The following SLC35F1 variants were observed in gnomAD, a reference collection of about 807,000 sequenced individuals.
SLC35F1 encodes the protein chromosome 6 open reading frame 169.
A neutral mutation model predicts 48.7 loss-of-function variants in SLC35F1; 14 were observed. That is an observed-to-expected ratio of 0.29 (90% CI 0.19 to 0.45). The LOEUF is 0.45. SLC35F1 is among the 20% of genes least tolerant of loss of function. The probability of loss-of-function intolerance (pLI) is 1.00; values close to 1 mark genes in which losing one functional copy is unlikely to be tolerated. For synonymous variants in SLC35F1, 190 were observed against 202.2 expected (o/e 0.94, Z 0.51); for missense variants, 404 against 500.0 (o/e 0.81, Z 1.83).
chr6:118,230,350 A>G (rs935515996), intron 2 of SLC35F1, among the ~76,000 whole-genome samples: 2 of 152,048 alleles, frequency 1.3e-5, no homozygotes, highest in African/African-American at 4.8e-5. Context: ...AAAAAAAAAA[A>G]AGAAGAAAAA....
chr6:118,201,468 G>T (rs1296107347), intron 2 of SLC35F1, among the ~76,000 whole-genome samples: 2 of 152,154 alleles, frequency 1.3e-5, no homozygotes, highest in Non-Finnish European at 2.9e-5. Flanking sequence ...TGTTCCTTAA[G>T]GTAGAAACTA....
At chr6:118,003,090 A>T (rs1334029564) in intron 1 of SLC35F1, among the ~76,000 whole-genome samples, 1 of 152,214 alleles carries the variant, frequency 6.6e-6, no homozygotes, top group Non-Finnish European at 1.5e-5. Context: ...AGAATAATGA[A>T]TGAACTGACA....
chr6:118,184,270 G>C (rs531913266), intron 2 of SLC35F1, among the ~76,000 whole-genome samples: 1 of 152,278 alleles, frequency 6.6e-6, no homozygotes, highest in Admixed American at 6.5e-5. Context: ...TCAAGAGCAA[G>C]ACTCTCAAAA....
intron 3 of SLC35F1, among the ~76,000 whole-genome samples, chr6:118,244,598 A>G (rs1775484124): frequency 6.6e-6 from 1 of 152,274 alleles, no homozygotes; most frequent in African/African-American, 2.4e-5. Context: ...CATGTTTGCA[A>G]GATTGGAAAA....
intron 1 of SLC35F1, among the ~76,000 whole-genome samples, chr6:118,055,086 T>G (rs2114261221): frequency 6.6e-6 from 1 of 152,336 alleles, no homozygotes; most frequent in East Asian, 1.9e-4. Context: ...CCCATTCTTT[T>G]CAGTCAGTTG....
intron 1 of SLC35F1, among the ~76,000 whole-genome samples, chr6:118,084,815 T>G (rs1772962885): frequency 2.0e-5 from 3 of 152,126 alleles, no homozygotes; most frequent in Middle Eastern, 3.4e-3. Context: ...CTGTCAGTAC[T>G]TGCTCTGAGA....
intron 2 of SLC35F1, among the ~76,000 whole-genome samples, chr6:118,214,561 A>G (rs1775047899): frequency 6.6e-6 from 1 of 152,204 alleles, no homozygotes; most frequent in South Asian, 2.1e-4. Context: ...AAAGTAAGGT[A>G]TACCAGTATA....
At chr6:118,026,041 T>G (rs1027200483) in intron 1 of SLC35F1, among the ~76,000 whole-genome samples, 3 of 152,182 alleles carry the variant, frequency 2.0e-5, no homozygotes, top group Non-Finnish European at 4.4e-5. Context: ...TCGAGGATGA[T>G]TCACACCGTC....
At chr6:118,089,787 C>T (rs9320640) in intron 1 of SLC35F1, among the ~76,000 whole-genome samples, 55,048 of 151,998 alleles carry the variant, frequency 0.36, 10,432 homozygotes, top group East Asian at 0.45. Flanking sequence ...GACAGGGCTT[C>T]ATGTTAATAG....
chr6:118,034,396 G>GA (rs977017391), intron 1 of SLC35F1, among the ~76,000 whole-genome samples: 2 of 151,654 alleles, frequency 1.3e-5, no homozygotes, highest in African/African-American at 2.4e-5. Flanking sequence ...CGTCTCTACT[G>GA]AAAATACAAA....
At chr6:118,188,306 T>A (rs1473242660) in intron 2 of SLC35F1, among the ~76,000 whole-genome samples, 1 of 152,104 alleles carries the variant, frequency 6.6e-6, no homozygotes, top group Admixed American at 6.5e-5. Flanking sequence ...TCCCAGCACT[T>A]TAGGAGGTGG....
chr6:118,113,758 C>G (rs1369854407), intron 1 of SLC35F1, among the ~76,000 whole-genome samples: 2 of 152,106 alleles, frequency 1.3e-5, no homozygotes, highest in Non-Finnish European at 2.9e-5. Context: ...CAAATATTAG[C>G]TATGTTTCTG....
intron 4 of SLC35F1, among the ~76,000 whole-genome samples, chr6:118,268,922 T>G (rs908828295): frequency 1.2e-4 from 18 of 152,098 alleles, no homozygotes; most frequent in African/African-American, 4.3e-4. Flanking sequence ...AAGTTGTAAT[T>G]TCATTACACT....
chr6:118,223,942 C>A (rs1254323078), intron 2 of SLC35F1, among the ~76,000 whole-genome samples: 1 of 152,196 alleles, frequency 6.6e-6, no homozygotes, highest in Non-Finnish European at 1.5e-5. Flanking sequence ...TGCTCCATGG[C>A]TCTTTGTTCA....
intron 1 of SLC35F1, among the ~76,000 whole-genome samples, chr6:118,134,879 C>A (rs929172315): frequency 6.6e-6 from 1 of 152,210 alleles, no homozygotes; most frequent in Non-Finnish European, 1.5e-5. Flanking sequence ...CCTCCCCTTC[C>A]TTCTACTCCC....
intron 1 of SLC35F1, among the ~76,000 whole-genome samples, chr6:117,995,978 CAGAGGGGA>C (rs1389428492): frequency 6.6e-6 from 1 of 152,058 alleles, no homozygotes; most frequent in Non-Finnish European, 1.5e-5. Context: ...AAAATTACAG[CAGAGGGGA>C]AGATTCATTA....
chr6:118,275,347 AT>A, intron 4 of SLC35F1, 111 bp from the exon 5 acceptor site: 1 of 1,155,622 alleles, frequency 8.7e-7, no homozygotes, highest in Non-Finnish European at 1.2e-6. Flanking sequence ...CATGACTTCT[AT>A]AAAAATGTCA....
At chr6:118,074,074 G>A (rs953488755) in intron 1 of SLC35F1, among the ~76,000 whole-genome samples, 4 of 152,034 alleles carry the variant, frequency 2.6e-5, no homozygotes, top group African/African-American at 4.8e-5. Flanking sequence ...ATTTGTTACA[G>A]CATGTTTTTA....
chr6:118,072,025 C>A (rs998051522), intron 1 of SLC35F1, among the ~76,000 whole-genome samples: 2 of 152,258 alleles, frequency 1.3e-5, no homozygotes, highest in East Asian at 3.9e-4. Context: ...CTCTATTTCT[C>A]TGAAATTTAT....
Sources: allele counts gnomAD v4.1 joint callset (sites outside exome capture counted in the v4.1 genomes callset), GRCh38; gene constraint gnomAD v4.1.1; transcripts MANE v1.5; gene names NCBI Gene and HGNC (gene_info 2026-07-23, HGNC 2026-07-21).